The following NECTIN3 variants were observed in gnomAD, a reference collection of about 807,000 sequenced individuals.
The protein encoded by NECTIN3 is nectin-3.
NECTIN3 carries 8 observed loss-of-function variants against 49.4 expected under a neutral mutation model. That is an observed-to-expected ratio of 0.16 (90% CI 0.10 to 0.29). The LOEUF (loss-of-function observed/expected upper bound fraction) is 0.29. NECTIN3 is among the 10% of genes least tolerant of loss of function. The pLI, the probability that NECTIN3 is intolerant of heterozygous loss-of-function variation, is 1.00. For missense variants in NECTIN3, 581 were observed against 654.6 expected (o/e 0.89, Z 1.23); for synonymous variants, 277 against 241.1 (o/e 1.15, Z -1.38).
At chr3:111,075,713 A>G (rs1322625063) in intron 1 of NECTIN3, among the ~76,000 whole-genome samples, 3 of 152,284 alleles carry the variant, frequency 2.0e-5, no homozygotes, top group Non-Finnish European at 2.9e-5. Context: ...TTTACTTTAT[A>G]TAAATATACA....
chr3:111,168,847 C>T (rs1255977681), intron 7 of NECTIN3, among the ~76,000 whole-genome samples: 2 of 152,238 alleles, frequency 1.3e-5, no homozygotes, highest in South Asian at 2.1e-4. Context: ...GTCTGGCACA[C>T]ATTAGGCATT....
rs925619291 is a variant in NECTIN3 at position 111,118,808 on chromosome 3, T to C, written c.655T>C (p.Ser219Pro). 2 of 1,614,076 alleles carry C rather than the reference T, an allele frequency of 1.2e-6. No homozygotes were observed. Among genetic ancestry groups the C allele is most frequent in the Non-Finnish European group, 1.7e-6 (2 of 1,180,024 alleles). ...TGGTGAAATGGAATCCACTACAACT[T>C]CTTTTCCAAATGAAACGGCAACGAT... The part of the protein sequence containing the change: ...DLGEMESTTT[S>P]FPNETATIIS... The change falls in exon 3 of 6, where the codon TCT (serine) becomes CCT (proline). Residue 219 changes from serine (S) to proline (P), a missense_variant. Ser to Pro is a moderately conservative substitution (Grantham distance 74). Around this residue, in one of 3 missense-constraint regions of NECTIN3, gnomAD observed 234 missense variants for 340.6 expected, o/e 0.69. Transcript: ENST00000485303.
chr3:111,073,010 T>A (rs1258295845), intron 1 of NECTIN3: 1 of 149,972 alleles, frequency 6.7e-6, no homozygotes, highest in Non-Finnish European at 1.5e-5. Context: ...AGAAGCCTGC[T>A]TATTAAGGAC....
At position 111,134,146 on chromosome 3, in the gene NECTIN3, T is replaced by G; in HGVS notation, c.1581T>G (p.Asp527Glu). 6.2e-7 allele frequency: 1 copy of G among 1,612,722 alleles called. No homozygotes were observed. Among genetic ancestry groups the G allele is most frequent in the Non-Finnish European group, 8.5e-7 (1 of 1,179,344 alleles). ...AGTTTGTCAGTGATGAACATTATGA[T>G]GAAAACGAAGATGACTTAGTTTCAC... The part of the protein sequence containing the change: ...GMKFVSDEHY[D>E]ENEDDLVSHV... The change falls in exon 6 of 6, where the codon GAT becomes GAG. Residue 527 changes from aspartate (D) to glutamate (E), a missense_variant. Physicochemically the swap from Asp to Glu is conservative, Grantham distance 45 (BLOSUM62 2). Transcript: ENST00000485303.
intron 1 of NECTIN3, chr3:111,192,494 A>T (rs1314412666): frequency 7.7e-7 from 1 of 1,300,302 alleles, no homozygotes; most frequent in Non-Finnish European, 1.1e-6. Flanking sequence ...AATTGTATAC[A>T]AGTTCATTTT....
At chr3:111,158,281 A>G (rs1204707938) in intron 7 of NECTIN3, among the ~76,000 whole-genome samples, 1 of 152,078 alleles carries the variant, frequency 6.6e-6, no homozygotes, top group Non-Finnish European at 1.5e-5. Context: ...CTTTAGAAGA[A>G]TGAGATTCGT....
chr3:111,100,326 T>C (rs2032831930), intron 1 of NECTIN3, among the ~76,000 whole-genome samples: 1 of 152,170 alleles, frequency 6.6e-6, no homozygotes, highest in Admixed American at 6.5e-5. Context: ...TTCACAAAAT[T>C]TGAAATGCTC....
chr3:111,114,370 C>T (rs977866920), intron 2 of NECTIN3, among the ~76,000 whole-genome samples: 2 of 152,026 alleles, frequency 1.3e-5, no homozygotes, highest in African/African-American at 4.8e-5. Flanking sequence ...ATTCTTGACC[C>T]GTTTCCCCAA....
At chr3:111,083,993 A>G (rs1433475033) in intron 1 of NECTIN3, among the ~76,000 whole-genome samples, 2 of 152,240 alleles carry the variant, frequency 1.3e-5, no homozygotes, top group Admixed American at 1.3e-4. Flanking sequence ...TTTAATTTAT[A>G]TGATGAGACT....
chr3:111,119,418 G>A (rs1001411890), intron 3 of NECTIN3, among the ~76,000 whole-genome samples: 1 of 152,222 alleles, frequency 6.6e-6, no homozygotes, highest in Middle Eastern at 3.4e-3. Flanking sequence ...TGCAACTTCC[G>A]CCTCCCGGGT....
chr3:111,171,921 T>A (rs1331993410), intron 7 of NECTIN3, among the ~76,000 whole-genome samples: 3 of 152,212 alleles, frequency 2.0e-5, no homozygotes, highest in African/African-American at 7.2e-5. Context: ...TAAAGAAACA[T>A]TGAGGCATTT....
At chr3:111,163,911 C>A (rs1576172689) in intron 7 of NECTIN3, among the ~76,000 whole-genome samples, 1 of 141,598 alleles carries the variant, frequency 7.1e-6, no homozygotes, top group South Asian at 2.2e-4. Flanking sequence ...AATTCAGAAT[C>A]AAGAAAAGAT....
intron 1 of NECTIN3, among the ~76,000 whole-genome samples, chr3:111,095,070 T>G (rs374833430): frequency 6.6e-6 from 1 of 152,224 alleles, no homozygotes; most frequent in African/African-American, 2.4e-5. Context: ...AAGTTTTCAT[T>G]CTGGTGCTAT....
In NECTIN3 at chr3:111,112,130, A is replaced by C; in HGVS notation, c.261A>C (p.Thr87=). ...TAATTGAAGTAAATGAAACCATAAC[A>C]CAGATTTCATGGGAGAAGATACATG... is the stretch of plus-strand genomic sequence containing the variant. ...KCLIEVNETI[T]QISWEKIHGK... The change falls in exon 2 of 6, where the codon ACA becomes ACC. Residue 87 remains threonine (T), a synonymous_variant. Transcript: ENST00000485303. The C allele has an allele frequency of 6.2e-7, 1 of 1,613,630 alleles. No individual in the cohort carries two copies. Among genetic ancestry groups the C allele is most frequent in the Non-Finnish European group, 8.5e-7 (1 of 1,179,646 alleles).
downstream of NECTIN3, chr3:111,137,610 T>C: frequency 1.8e-6 from 1 of 557,504 alleles, no homozygotes; most frequent in Non-Finnish European, 2.3e-6. Flanking sequence ...TGTCCTCGTA[T>C]TTACTAAAGT....
intron 7 of NECTIN3, among the ~76,000 whole-genome samples, chr3:111,149,333 G>A (rs544563921): frequency 6.6e-6 from 1 of 151,806 alleles, no homozygotes; most frequent in Non-Finnish European, 1.5e-5. Flanking sequence ...GTCTACTTCA[G>A]AATTACCTTC....
At chr3:111,179,699 C>T (rs927960556) in intron 7 of NECTIN3, among the ~76,000 whole-genome samples, 1 of 152,054 alleles carries the variant, frequency 6.6e-6, no homozygotes, top group Non-Finnish European at 1.5e-5. Flanking sequence ...TCGAGACCAT[C>T]CTGGCTAACA....
At chr3:111,102,695 G>A (rs1004368208) in intron 1 of NECTIN3, among the ~76,000 whole-genome samples, 4 of 152,132 alleles carry the variant, frequency 2.6e-5, no homozygotes, top group Admixed American at 1.3e-4. Flanking sequence ...CATGCCTTTG[G>A]TGTTTCATCT....
downstream of NECTIN3, among the ~76,000 whole-genome samples, chr3:111,138,602 G>A (rs889866768): frequency 4.6e-5 from 7 of 151,350 alleles, no homozygotes; most frequent in East Asian, 5.8e-4. Flanking sequence ...TTGAACCTTC[G>A]TGACAGTTAT....
Sources: gnomAD v4.1 joint callset for allele counts (sites outside exome capture counted in the v4.1 genomes callset) on GRCh38, gnomAD v4.1.1 for gene constraint, gnomAD v4.1.1 regional missense constraint, MANE v1.5 for transcripts, NCBI Gene and HGNC (gene_info 2026-07-23, HGNC 2026-07-21) for gene names.